The following MSI2 variants were observed in gnomAD, a reference collection of about 807,000 sequenced individuals.
MSI2 encodes RNA-binding protein Musashi homolog 2.
Under a neutral mutation model 45.6 loss-of-function variants are expected in MSI2, and 17 were observed. The ratio of observed to expected loss-of-function variants is 0.37; its 90% CI spans 0.26 to 0.56. MSI2 has a LOEUF of 0.56. MSI2 is among the 20% of genes least tolerant of loss of function. The probability of loss-of-function intolerance (pLI) is 0.77; values close to 1 mark genes in which losing one functional copy is unlikely to be tolerated. For missense variants in MSI2, 293 were observed against 444.2 expected, an observed-to-expected ratio of 0.66 and a Z score of 3.06; for synonymous variants, 156 against 158.2, an observed-to-expected ratio of 0.99 and a Z score of 0.11.
intron 5 of MSI2, among the ~76,000 whole-genome samples, chr17:57,286,468 C>T (rs971285124): frequency 6.6e-6 from 1 of 152,080 alleles, no homozygotes; most frequent in African/African-American, 2.4e-5. Flanking sequence ...CTTCCCCCTC[C>T]TGCTGAGAGC....
At chr17:57,654,197 C>T (rs1344441200) in intron 11 of MSI2, among the ~76,000 whole-genome samples, 3 of 152,184 alleles carry the variant, frequency 2.0e-5, no homozygotes, top group Non-Finnish European at 2.9e-5. Flanking sequence ...GCAGTGCTGC[C>T]GGGCAGGGTG....
chr17:57,500,790 CAAAAAA>C (rs58479533), intron 6 of MSI2, among the ~76,000 whole-genome samples: 1 of 107,136 alleles, frequency 9.3e-6, no homozygotes. Flanking sequence ...CTGTCTCTAC[CAAAAAA>C]AAAAAAAAAA....
chr17:57,632,656 C>A (rs1344946000), intron 10 of MSI2: 2 of 1,066,016 alleles, frequency 1.9e-6, no homozygotes, highest in Non-Finnish European at 2.3e-6. Flanking sequence ...TTAGAAGGAT[C>A]TTTTCCCATG....
intron 7 of MSI2, among the ~76,000 whole-genome samples, chr17:57,539,979 C>T (rs1427853087): frequency 6.6e-6 from 1 of 152,178 alleles, no homozygotes; most frequent in Non-Finnish European, 1.5e-5. Flanking sequence ...CAAGGCAACA[C>T]CCGGTTAATG....
At chr17:57,585,525 T>C (rs1322712800) in intron 7 of MSI2, among the ~76,000 whole-genome samples, 1 of 152,220 alleles carries the variant, frequency 6.6e-6, no homozygotes, top group African/African-American at 2.4e-5. Context: ...AGCCCAGATC[T>C]ACCCAGCTCC....
intron 5 of MSI2, among the ~76,000 whole-genome samples, chr17:57,370,897 A>G (rs2083410960): frequency 6.6e-6 from 1 of 152,222 alleles, no homozygotes; most frequent in African/African-American, 2.4e-5. Flanking sequence ...TGGACTTTAA[A>G]TGTTAATGTT....
chr17:57,487,491 C>T (rs995582582), intron 6 of MSI2, among the ~76,000 whole-genome samples: 1 of 152,218 alleles, frequency 6.6e-6, no homozygotes, highest in South Asian at 2.1e-4. Context: ...TGACAAAACT[C>T]TTCTCTTAAC....
At chr17:57,517,651 G>A (rs527873101) in intron 6 of MSI2, among the ~76,000 whole-genome samples, 29 of 152,184 alleles carry the variant, frequency 1.9e-4, no homozygotes, top group Admixed American at 2.0e-4. Flanking sequence ...TCTCTCCCTC[G>A]GTTACCAACA....
intron 10 of MSI2, among the ~76,000 whole-genome samples, chr17:57,651,512 C>T (rs1267689677): frequency 6.6e-6 from 1 of 152,202 alleles, no homozygotes. Flanking sequence ...GCTTCACCCT[C>T]GGGCCTGGGG....
chr17:57,484,906 C>G (rs754146299), intron 6 of MSI2, among the ~76,000 whole-genome samples: 1 of 152,222 alleles, frequency 6.6e-6, no homozygotes. Context: ...CTGCTTCTCT[C>G]TCGGGGAAAC....
At chr17:57,368,368 C>A (rs1008325979) in intron 5 of MSI2, among the ~76,000 whole-genome samples, 6 of 151,914 alleles carry the variant, frequency 3.9e-5, no homozygotes. Flanking sequence ...GCAGCCTGGC[C>A]AAAATGGCAA....
At position 57,674,992 on chromosome 17, in the gene MSI2, G is replaced by A. The variant is rs778502926; in HGVS notation, c.811G>A (p.Gly271Arg). The change falls in exon 12 of 14, where the codon GGA becomes AGA. Residue 271 changes from glycine (G) to arginine (R), a missense_variant. Coordinates refer to ENST00000284073, the MANE Select transcript of MSI2 (RefSeq NM_138962.4). The part of the protein sequence containing the change: ...RGSGSNPARP[G>R]GFPGANSPGP... ...GGCAGGCTCCAACCCGGCGCGGCCC[G>A]GAGGCTTCCCGGGGGCCAACAGCCC... 23 of 1,613,362 alleles carry A rather than the reference G, an allele frequency of 1.4e-5. No homozygotes were observed. Among genetic ancestry groups the A allele is most frequent in the East Asian group, 2.2e-5 (1 of 44,882 alleles).
At chr17:57,606,898 G>T (rs960091257) in intron 8 of MSI2, among the ~76,000 whole-genome samples, 10 of 151,948 alleles carry the variant, frequency 6.6e-5, no homozygotes, top group South Asian at 2.1e-4. Flanking sequence ...GGGGTGATGG[G>T]GGGGGGTGGC....
intron 7 of MSI2, among the ~76,000 whole-genome samples, chr17:57,534,901 G>A (rs780656178): frequency 2.6e-5 from 4 of 152,302 alleles, no homozygotes; most frequent in East Asian, 1.9e-4. Context: ...TGGGCTGATC[G>A]TCAATGGATT....
At chr17:57,583,488 C>CTTTTTTTTTTTTTTTT (rs5821192) in intron 7 of MSI2, among the ~76,000 whole-genome samples, 6 of 98,042 alleles carry the variant, frequency 6.1e-5, no homozygotes, top group East Asian at 3.5e-4. Context: ...CCCAATGTTT[C>CTTTTTTTTTTTTTTTT]TTTTTTTTTT....
intron 10 of MSI2, among the ~76,000 whole-genome samples, chr17:57,638,028 C>T (rs12603362): frequency 5.9e-5 from 9 of 152,218 alleles, no homozygotes; most frequent in East Asian, 1.9e-4. Context: ...AGCAAAAACA[C>T]GTGAAAGGCT....
At chr17:57,366,934 GTGTT>G (rs1344819006) in intron 5 of MSI2, among the ~76,000 whole-genome samples, 2 of 152,186 alleles carry the variant, frequency 1.3e-5, no homozygotes, top group South Asian at 2.1e-4. Context: ...AGGCACAACA[GTGTT>G]TGATCCCCCT....
chr17:57,687,060 A>G (rs936397212), downstream of MSI2, among the ~76,000 whole-genome samples: 8 of 151,836 alleles, frequency 5.3e-5, no homozygotes, highest in Admixed American at 2.6e-4. Context: ...TATAAATATT[A>G]TAACTGTGTA....
intron 6 of MSI2, among the ~76,000 whole-genome samples, chr17:57,433,470 G>C (rs2084636982): frequency 6.6e-6 from 1 of 152,164 alleles, no homozygotes; most frequent in Non-Finnish European, 1.5e-5. Context: ...GGAGCCCCCA[G>C]AAGGCAGGAG....
Sources: gnomAD v4.1 joint callset for allele counts (sites outside exome capture counted in the v4.1 genomes callset) on GRCh38, gnomAD v4.1.1 for gene constraint, MANE v1.5 for transcripts, NCBI Gene and HGNC (gene_info 2026-07-23, HGNC 2026-07-21) for gene names.